PCDHA1: variants seen among roughly 807,000 people sequenced by gnomAD.
The protein encoded by PCDHA1 is protocadherin alpha 1, also known as protocadherin alpha-1.
A neutral mutation model predicts 61.3 loss-of-function variants in PCDHA1; 42 were observed. The ratio of observed to expected loss-of-function variants is 0.69; its 90% confidence interval spans 0.54 to 0.89. The LOEUF is 0.89. PCDHA1 is among the 40% of genes least tolerant of loss of function. PCDHA1 has a pLI of 0.00. For synonymous variants in PCDHA1, 610 were observed against 553.8 expected (o/e 1.10, Z -1.43); for missense variants, 1,256 against 1,235.3 (o/e 1.02, Z -0.25).
chr5:140,828,403 C>T (rs2150154987), intron 1 of PCDHA1: 1 of 1,614,256 alleles, frequency 6.2e-7, no homozygotes, highest in South Asian at 1.1e-5. Flanking sequence ...AGTGCAGCAT[C>T]CACCTGGAGG....
At chr5:140,902,986 T>C (rs569244845) in intron 1 of PCDHA1, among the ~76,000 whole-genome samples, 1 of 152,346 alleles carries the variant, frequency 6.6e-6, no homozygotes, top group East Asian at 1.9e-4. Flanking sequence ...GTTGGTTCCA[T>C]ATTTTTGCAA....
At chr5:140,985,712 A>G (rs1319708410) in intron 3 of PCDHA1, among the ~76,000 whole-genome samples, 2 of 148,826 alleles carry the variant, frequency 1.3e-5, no homozygotes, top group Non-Finnish European at 3.0e-5. Context: ...TGTTTCTTAA[A>G]GTTATTTTTC....
rs149972776 is a variant in PCDHA1, at chr5:140,883,738, C to G, written c.2394+95054C>G. On this transcript the variant is annotated intron_variant, in intron 1 of 3. Transcript: ENST00000504120. The stretch of plus-strand genomic sequence containing the variant: ...CGGACGCACAGGAGAACGCGCTGGT[C>G]TCCTACTCGCTGGTGGAGCGGCGGG... 852 of 1,613,378 alleles carry G rather than the reference C, an allele frequency of 5.3e-4. 5 individuals carry two copies. In the African/African-American group the frequency reaches 9.2e-3, roughly 17 times the overall value.
chr5:140,858,197 A>T lies in PCDHA1; in HGVS notation c.2394+69513A>T. On this transcript the variant is annotated intron_variant, in intron 1 of 3. Transcript: ENST00000504120. ...GCTGGTGCTCACGCTGCTGCTGTAC[A>T]CTGCACTGAGGTGCTCGGCGGCGCC... is the stretch of plus-strand genomic sequence containing the variant. The T allele has an allele frequency of 1.3e-6, 2 of 1,597,058 alleles. 1 individual carries two copies.
intron 1 of PCDHA1, chr5:140,864,831 A>G (rs2048618192): frequency 1.3e-5 from 2 of 152,186 alleles, no homozygotes; most frequent in Non-Finnish European, 2.9e-5. Context: ...GGCTTTAAGT[A>G]TAAGAGAGTC....
At chr5:140,829,389 C>T (rs1770271281) in intron 1 of PCDHA1, 3 of 1,614,192 alleles carry the variant, frequency 1.9e-6, no homozygotes, top group Non-Finnish European at 2.5e-6. Flanking sequence ...GGGGGCTCGC[C>T]TTCGCTGTGG....
intron 3 of PCDHA1, among the ~76,000 whole-genome samples, chr5:141,004,079 A>G (rs1192943756): frequency 1.3e-5 from 2 of 152,210 alleles, no homozygotes; most frequent in Non-Finnish European, 2.9e-5. Context: ...TTAGGGGTAG[A>G]AATGTGCTTC....
intron 3 of PCDHA1, among the ~76,000 whole-genome samples, 189 bp from the exon 4 acceptor site, chr5:141,009,438 T>C (rs1024999058): frequency 6.6e-6 from 1 of 152,190 alleles, no homozygotes; most frequent in African/African-American, 2.4e-5. Context: ...AGGGAAATCC[T>C]GTCTCAAAAA....
In PCDHA1 at chr5:140,788,115, T is replaced by A. The variant is rs1187918668; in HGVS notation, c.1825T>A (p.Tyr609Asn). ...ADSGYNAWLSYELQPAAGGAR... is the reference protein window; with the variant it reads ...ADSGYNAWLSNELQPAAGGAR... ...CTCGGGCTACAACGCGTGGCTGTCCTATGAACTGCAGCCGGCAGCAGGCGG... is the reference window on the plus strand; with the variant it reads ...CTCGGGCTACAACGCGTGGCTGTCCAATGAACTGCAGCCGGCAGCAGGCGG... Residue 609 changes from tyrosine to asparagine, a missense_variant, in exon 1 of 4, where the codon TAT becomes AAT. Physicochemically the swap from Tyr to Asn is moderately radical, Grantham distance 143. Transcript: ENST00000504120. 1 of 1,613,872 alleles carries A rather than the reference T, an allele frequency of 6.2e-7. No homozygotes were observed. Among genetic ancestry groups the A allele is most frequent in the Non-Finnish European group, 8.5e-7 (1 of 1,179,922 alleles).
intron 1 of PCDHA1, chr5:140,881,349 A>G: frequency 2.0e-6 from 2 of 985,302 alleles, no homozygotes; most frequent in Non-Finnish European, 2.4e-6. Flanking sequence ...TCGGGCTACA[A>G]TGCGTGGCTT....
chr5:140,927,049 C>T (rs1554203972), intron 1 of PCDHA1: 5 of 1,611,932 alleles, frequency 3.1e-6, no homozygotes, highest in Non-Finnish European at 4.2e-6. Context: ...TATGTCCTCG[C>T]GGAACTTTCG....
chr5:140,887,258 T>G (rs934733001), intron 1 of PCDHA1, among the ~76,000 whole-genome samples: 4 of 151,924 alleles, frequency 2.6e-5, no homozygotes, highest in East Asian at 1.9e-4. Context: ...CACCACGCCC[T>G]GCTAATTTTT....
chr5:140,823,295 T>C (rs1383597975), intron 1 of PCDHA1: 2 of 1,612,142 alleles, frequency 1.2e-6, no homozygotes, highest in African/African-American at 2.7e-5. Flanking sequence ...TCGAGTTACG[T>C]TTCGGTGCAC....
chr5:140,832,614 A>G (rs1451559865), intron 1 of PCDHA1, among the ~76,000 whole-genome samples: 1 of 152,186 alleles, frequency 6.6e-6, no homozygotes, highest in Non-Finnish European at 1.5e-5. Flanking sequence ...TAGTGAGTAA[A>G]TGTTTTTTAA....
chr5:140,870,028 T>G, intron 1 of PCDHA1: 1 of 1,613,550 alleles, frequency 6.2e-7, no homozygotes, highest in Non-Finnish European at 8.5e-7. Context: ...AACTTTAGAT[T>G]ATGAAGAAAA....
At chr5:140,947,610 C>T (rs989640335) in intron 1 of PCDHA1, among the ~76,000 whole-genome samples, 3 of 151,562 alleles carry the variant, frequency 2.0e-5, no homozygotes, top group South Asian at 2.1e-4. Flanking sequence ...GATTTGGTAT[C>T]TTAACAATAT....
intron 1 of PCDHA1, chr5:140,884,589 C>G: frequency 1.9e-6 from 3 of 1,614,146 alleles, no homozygotes; most frequent in Admixed American, 3.3e-5. Context: ...GCCTTCAGTC[C>G]CAGCCTTCCT....
chr5:140,851,549 T>A (rs2042091129), intron 1 of PCDHA1: 1 of 908,826 alleles, frequency 1.1e-6, no homozygotes, highest in African/African-American at 1.8e-5. Flanking sequence ...ATTCAAGAAA[T>A]GTTGACTGAA....
At chr5:140,983,142 CTTGGCATGCATG>C (rs1316699573) in intron 3 of PCDHA1, among the ~76,000 whole-genome samples, 4 of 152,212 alleles carry the variant, frequency 2.6e-5, no homozygotes, top group Admixed American at 6.5e-5. Flanking sequence ...CTTTTAGTGC[CTTGGCATGCATG>C]TTGCCAAACA....
Sources: gnomAD v4.1 joint callset for allele counts (sites outside exome capture counted in the v4.1 genomes callset) on GRCh38, gnomAD v4.1.1 for gene constraint, MANE v1.5 for transcripts, NCBI Gene and HGNC (gene_info 2026-07-23, HGNC 2026-07-21) for gene names.